NXPH1: variants seen among roughly 807,000 people sequenced by gnomAD.
NXPH1 encodes the protein neurexophilin-1.
A neutral mutation model predicts 23.7 loss-of-function variants in NXPH1; 5 were observed. That is an observed-to-expected ratio of 0.21 (90% CI 0.11 to 0.44). The LOEUF is 0.44. Ranked by LOEUF, NXPH1 falls within the 20% of genes least tolerant of loss-of-function variation. The pLI is 0.99. For synonymous variants in NXPH1, 144 were observed against 122.2 expected (o/e 1.18, Z -1.18); for missense variants, 324 against 321.6 (o/e 1.01, Z -0.06).
At chr7:8,664,874 AT>A (rs547244203) in intron 2 of NXPH1, among the ~76,000 whole-genome samples, 1 of 151,344 alleles carries the variant, frequency 6.6e-6, no homozygotes, top group African/African-American at 2.4e-5. Context: ...TTTTAATTAG[AT>A]TTTTTTTGCT....
chr7:8,605,649 A>G (rs758155029), intron 2 of NXPH1, among the ~76,000 whole-genome samples: 10 of 152,156 alleles, frequency 6.6e-5, no homozygotes, highest in South Asian at 2.1e-4. Flanking sequence ...CAGATGTTCA[A>G]CGTCAGAGAT....
chr7:8,673,261 T>C (rs1820897799), intron 2 of NXPH1, among the ~76,000 whole-genome samples: 1 of 152,106 alleles, frequency 6.6e-6, no homozygotes, highest in Non-Finnish European at 1.5e-5. Flanking sequence ...TAGCCAAACA[T>C]AAATAAAAGC....
chr7:8,680,312 A>C (rs1367355177), intron 2 of NXPH1, among the ~76,000 whole-genome samples: 1 of 152,224 alleles, frequency 6.6e-6, no homozygotes, highest in Non-Finnish European at 1.5e-5. Flanking sequence ...AGATGGAAGG[A>C]ACAGCATATG....
rs531777126 is a variant in NXPH1, at chr7:8,525,813, T to C, written c.54+90046T>C. 1.9e-4 allele frequency among the ~76,000 whole-genome samples: 29 copies of C among 152,238 alleles called. 1 individual carries two copies. The highest frequency in any genetic ancestry group is 1.6e-3 in the Admixed American group (24 of 15,308). On this transcript the variant is annotated intron_variant, in intron 2 of 2. Transcript: ENST00000405863. ...GCGAACCTCCACCTAGATTTCAGAATGTGTATGGAAATGTCCAGATGCCCA... is the reference window on the plus strand; with the variant it reads ...GCGAACCTCCACCTAGATTTCAGAACGTGTATGGAAATGTCCAGATGCCCA...
Position 8,751,603 on chromosome 7 carries a change from C to G in NXPH1, c.650C>G (p.Thr217Ser). 1 of 1,613,582 alleles carries G rather than the reference C, an allele frequency of 6.2e-7. No individual in the cohort carries two copies. The change falls in exon 3 of 3, where the codon ACC becomes AGC. Residue 217 changes from threonine (T) to serine (S), a missense_variant. Coordinates refer to ENST00000405863, the MANE Select transcript of NXPH1 (RefSeq NM_152745.3). The surrounding 1 kb of genome is among the most constrained non-coding windows in gnomAD (Gnocchi z 4.5). ...CTCTGCAACTATGACCCTTCAAAAA[C>G]CTGTTACCAGGAGCAAACCCAAAGT... is the stretch of plus-strand genomic sequence containing the variant. The part of the protein sequence containing the change: ...NTLCNYDPSK[T>S]CYQEQTQSHV...
At chr7:8,718,354 A>G (rs547960926) in intron 2 of NXPH1, among the ~76,000 whole-genome samples, 3 of 152,180 alleles carry the variant, frequency 2.0e-5, no homozygotes, top group African/African-American at 2.4e-5. Flanking sequence ...CACCTGAGCA[A>G]TTGGTTCTTG....
chr7:8,676,599 A>G (rs1035118680), intron 2 of NXPH1, among the ~76,000 whole-genome samples: 1 of 152,210 alleles, frequency 6.6e-6, no homozygotes, highest in Non-Finnish European at 1.5e-5. Context: ...TTACTAGAAA[A>G]GAAAAAGTGA....
At chr7:8,521,508 C>T (rs573705680) in intron 2 of NXPH1, among the ~76,000 whole-genome samples, 2 of 152,196 alleles carry the variant, frequency 1.3e-5, no homozygotes, top group East Asian at 1.9e-4. Context: ...TTTATCTTTC[C>T]CCACCATGGT....
chr7:8,679,436 A>C (rs991103003), intron 2 of NXPH1, among the ~76,000 whole-genome samples: 6 of 152,124 alleles, frequency 3.9e-5, no homozygotes, highest in African/African-American at 1.4e-4. Context: ...TATCTCATAT[A>C]ATGGCCAGGA....
At chr7:8,663,379 T>C (rs901080525) in intron 2 of NXPH1, among the ~76,000 whole-genome samples, 2 of 152,094 alleles carry the variant, frequency 1.3e-5, no homozygotes, top group Admixed American at 6.6e-5. Context: ...TCACGATCCA[T>C]CTGATTTACA....
chr7:8,579,247 G>A (rs1818816968), intron 2 of NXPH1, among the ~76,000 whole-genome samples: 1 of 151,980 alleles, frequency 6.6e-6, no homozygotes, highest in African/African-American at 2.4e-5. Context: ...TAAAAGAGAG[G>A]AATAAAACAG....
At chr7:8,541,003 A>G (rs1343972731) in intron 2 of NXPH1, among the ~76,000 whole-genome samples, 1 of 151,734 alleles carries the variant, frequency 6.6e-6, no homozygotes, top group Non-Finnish European at 1.5e-5. Context: ...ATGAGCACCC[A>G]TCAAGGAAGA....
chr7:8,617,157 C>A (rs186393362), intron 2 of NXPH1, among the ~76,000 whole-genome samples: 2 of 152,044 alleles, frequency 1.3e-5, no homozygotes, highest in South Asian at 4.1e-4. Context: ...TCCTACAATG[C>A]GCAGAACACT....
intron 2 of NXPH1, among the ~76,000 whole-genome samples, chr7:8,591,384 C>T (rs1022738608): frequency 6.6e-6 from 1 of 151,976 alleles, no homozygotes; most frequent in South Asian, 2.1e-4. Flanking sequence ...TTTTTAACCA[C>T]CACTTTCATA....
Position 8,435,878 on chromosome 7 carries a change from C to G in NXPH1, c.54+111C>G. ...CCGCCAGTTCAGTGAGAGCAGCTTCCTAGCAGCTGTGTTGGAGCAACTTTG... is the reference window on the plus strand; with the variant it reads ...CCGCCAGTTCAGTGAGAGCAGCTTCGTAGCAGCTGTGTTGGAGCAACTTTG... On this transcript the variant is annotated intron_variant, in intron 2 of 2. Coordinates refer to ENST00000405863, the MANE Select transcript of NXPH1 (RefSeq NM_152745.3). The surrounding 1 kb of genome is among the most constrained non-coding windows in gnomAD (Gnocchi z 5.9). The G allele has an allele frequency of 9.8e-7, 1 of 1,023,572 alleles. No homozygotes were observed. The allele number at this position is 1,023,572 out of a possible 1,614,324, so 63.4% of individuals were successfully genotyped here.
intron 2 of NXPH1, among the ~76,000 whole-genome samples, chr7:8,731,868 C>A (rs1780160484): frequency 6.6e-6 from 1 of 152,238 alleles, no homozygotes; most frequent in Non-Finnish European, 1.5e-5. Context: ...GTGGGCTCCA[C>A]CCAGTTCGAG....
At chr7:8,662,240 T>G (rs969733541) in intron 2 of NXPH1, among the ~76,000 whole-genome samples, 2 of 151,870 alleles carry the variant, frequency 1.3e-5, no homozygotes, top group South Asian at 2.1e-4. Context: ...GATGGATAGT[T>G]GTATAGCTTG....
chr7:8,715,977 A>G (rs1779871166), intron 2 of NXPH1, among the ~76,000 whole-genome samples: 1 of 152,174 alleles, frequency 6.6e-6, no homozygotes, highest in African/African-American at 2.4e-5. Flanking sequence ...ATGCATATAT[A>G]TGAATATACA....
intron 2 of NXPH1, among the ~76,000 whole-genome samples, chr7:8,573,715 C>T (rs1178022440): frequency 1.3e-5 from 2 of 152,126 alleles, no homozygotes; most frequent in Admixed American, 6.5e-5. Flanking sequence ...TTAGAACTTT[C>T]TTCCAGTTAA....
Sources: allele counts gnomAD v4.1 joint callset (sites outside exome capture counted in the v4.1 genomes callset), GRCh38; gene constraint gnomAD v4.1.1; non-coding constraint Gnocchi (gnomAD v3.1); transcripts MANE v1.5; gene names NCBI Gene and HGNC (gene_info 2026-07-23, HGNC 2026-07-21).